The following EAF1 variants were observed in gnomAD, a reference collection of about 807,000 sequenced individuals.
EAF1 encodes the protein ELL associated factor 1.
In EAF1, 19 loss-of-function variants were observed where a neutral mutation model predicts 26.6. That is an observed-to-expected ratio of 0.71 (90% confidence interval 0.50 to 1.05). The LOEUF (loss-of-function observed/expected upper bound fraction) is 1.05. EAF1 is among the 50% of genes least tolerant of loss of function. The probability of loss-of-function intolerance (pLI) is 0.00; values close to 1 mark genes in which losing one functional copy is unlikely to be tolerated. For synonymous variants in EAF1, 102 were observed against 120.6 expected (o/e 0.85, Z 1.01); for missense variants, 260 against 335.5 (o/e 0.78, Z 1.76).
intron 3 of EAF1, 130 bp from the exon 4 acceptor site, chr3:15,434,217 AG>A: frequency 1.0e-6 from 1 of 975,982 alleles, no homozygotes; most frequent in African/African-American, 1.6e-5. Context: ...CAAAATTACA[AG>A]TATCAGTATT....
At chr3:15,435,128 C>CA (rs2061827485) in intron 4 of EAF1, among the ~76,000 whole-genome samples, 2 of 152,136 alleles carry the variant, frequency 1.3e-5, no homozygotes, top group South Asian at 4.1e-4. Flanking sequence ...ATACCATAAG[C>CA]AAATGTCCTG....
At chr3:15,431,178 C>T (rs1485956880) in intron 2 of EAF1, among the ~76,000 whole-genome samples, 1 of 152,174 alleles carries the variant, frequency 6.6e-6, no homozygotes, top group Non-Finnish European at 1.5e-5. Context: ...TCAAATGCCT[C>T]CCACACATTG....
chr3:15,436,288 G>A, intron 4 of EAF1, 54 bp from the exon 5 acceptor site: 2 of 1,386,524 alleles, frequency 1.4e-6, no homozygotes, highest in South Asian at 2.8e-5. Flanking sequence ...AAGCTCCAAT[G>A]CACTGCCTTG....
At chr3:15,439,031 A>G in intron 5 of EAF1, 78 bp from the exon 6 acceptor site, 1 of 1,437,914 alleles carries the variant, frequency 7.0e-7, no homozygotes, top group Non-Finnish European at 9.4e-7. Context: ...AATTAACAAA[A>G]AATTATGAGG....
rs750659715 is a variant in EAF1 at position 15,432,145 on chromosome 3, G to A, written c.257G>A (p.Cys86Tyr). 1 of 1,614,148 alleles carries A rather than the reference G, an allele frequency of 6.2e-7. No individual in the cohort carries two copies. Among genetic ancestry groups the A allele is most frequent in the Non-Finnish European group, 8.5e-7 (1 of 1,180,010 alleles). The change falls in exon 3 of 6, where the codon TGT becomes TAT. Residue 86 changes from cysteine (C) to tyrosine (Y), a missense_variant. Transcript: ENST00000396842. Reference sequence around the variant, plus strand: ...AACAAACGGCCTTACCAGAAAGACTGTGTGCTTATTATTAATCATGACACT... The same window carrying A: ...AACAAACGGCCTTACCAGAAAGACTATGTGCTTATTATTAATCATGACACT... ...KGNKRPYQKD[C>Y]VLIINHDTGE...
rs1034125193 is a variant in EAF1 at position 15,427,614 on chromosome 3, C to T, written c.-166C>T. 2 of 647,032 alleles carry T rather than the reference C, an allele frequency of 3.1e-6. No individual in the cohort carries two copies. Among genetic ancestry groups the T allele is most frequent in the African/African-American group, 1.9e-5 (1 of 53,644 alleles). 40.1% of individuals were successfully genotyped at this position (647,032 alleles called of 1,614,324 possible). A position where few individuals can be genotyped will look rare whatever the true frequency, so the allele number is the denominator to read the frequency against. ...CTCAGATTCCTCTCTCACCCCCACGCAGAGGAGAGAACTTGCTTCTGGACC... is the reference window on the plus strand; with the variant it reads ...CTCAGATTCCTCTCTCACCCCCACGTAGAGGAGAGAACTTGCTTCTGGACC... On this transcript the variant is annotated 5_prime_UTR_variant, in exon 1 of 6. Transcript: ENST00000396842.
rs959754278 is a variant in EAF1 at position 15,432,153 on chromosome 3, A to G, written c.265A>G (p.Ile89Val). The change falls in exon 3 of 6, where the codon ATT becomes GTT. Residue 89 changes from isoleucine to valine, a missense_variant. Transcript: ENST00000396842. Reference sequence around the variant, plus strand: ...GCCTTACCAGAAAGACTGTGTGCTTATTATTAATCATGACACTGGTGAATA... The same window carrying G: ...GCCTTACCAGAAAGACTGTGTGCTTGTTATTAATCATGACACTGGTGAATA... The part of the protein sequence containing the change: ...KRPYQKDCVL[I>V]INHDTGEYVL... The G allele has an allele frequency of 6.2e-7, 1 of 1,614,082 alleles. No homozygotes were observed. The highest frequency in any genetic ancestry group is 1.3e-5 in the African/African-American group (1 of 74,940).
At chr3:15,437,573 C>A (rs1023740522) in intron 5 of EAF1, among the ~76,000 whole-genome samples, 1 of 152,160 alleles carries the variant, frequency 6.6e-6, no homozygotes, top group Non-Finnish European at 1.5e-5. Flanking sequence ...GCATGAACCA[C>A]CATGCCTGGC....
chr3:15,430,659 A>G (rs1022276381), intron 2 of EAF1, among the ~76,000 whole-genome samples: 10 of 152,096 alleles, frequency 6.6e-5, no homozygotes, highest in African/African-American at 2.2e-4. Flanking sequence ...TGAGGCAACC[A>G]AGCCAGGAGT....
intron 2 of EAF1, among the ~76,000 whole-genome samples, chr3:15,431,401 T>C (rs2061801100): frequency 6.6e-6 from 1 of 151,396 alleles, no homozygotes; most frequent in African/African-American, 2.4e-5. Context: ...GCAGAAGCCT[T>C]GTTAAAGCTG....
chr3:15,428,167 C>G (rs547939720), intron 1 of EAF1, among the ~76,000 whole-genome samples: 1 of 151,162 alleles, frequency 6.6e-6, no homozygotes, highest in South Asian at 2.1e-4. Flanking sequence ...CTCCCCGCCC[C>G]CAACCTCGCC....
At position 15,427,666 on chromosome 3, in the gene EAF1, T is replaced by G. The variant is rs1559502688; in HGVS notation, c.-114T>G. The stretch of plus-strand genomic sequence containing the variant: ...GGGTGGGTGCCGGCTCGGCTCTCCT[T>G]GTCTTCCAGAGCGGTGGCCCGGAAG... On this transcript the variant is annotated 5_prime_UTR_variant, in exon 1 of 6. Coordinates refer to ENST00000396842, the MANE Select transcript of EAF1 (RefSeq NM_033083.7). 2 of 1,143,386 alleles carry G rather than the reference T, an allele frequency of 1.7e-6. No individual in the cohort carries two copies. The highest frequency in any genetic ancestry group is 2.5e-6 in the Non-Finnish European group (2 of 788,984). The allele number at this position is 1,143,386 out of a possible 1,614,324, so 70.8% of individuals were successfully genotyped here.
chr3:15,436,148 G>A (rs547373857), intron 4 of EAF1, 194 bp from the exon 5 acceptor site: 1 of 438,448 alleles, frequency 2.3e-6, no homozygotes, highest in Non-Finnish European at 4.1e-6. Context: ...TGTTTCCATT[G>A]TGTCTCTGGA....
intron 5 of EAF1, among the ~76,000 whole-genome samples, chr3:15,437,350 G>A (rs181293583): frequency 1.4e-5 from 2 of 141,624 alleles, no homozygotes; most frequent in African/African-American, 2.7e-5. Context: ...ACAGGGTTTC[G>A]CCACATTGCC....
intron 5 of EAF1, among the ~76,000 whole-genome samples, chr3:15,438,396 C>T (rs944074956): frequency 1.3e-5 from 2 of 152,042 alleles, no homozygotes; most frequent in African/African-American, 4.8e-5. Context: ...CTGGTGTTAA[C>T]AGTATTCACC....
At position 15,429,025 on chromosome 3, in the gene EAF1, A is replaced by G. The variant is rs145918438; in HGVS notation, c.104-888A>G. ...TGATGTTTTCTTTTGGTGAAGGGCA[A>G]TGTGGAATTTAAATCATATAGTTCA... On this transcript the variant is annotated intron_variant, in intron 1 of 5. Transcript: ENST00000396842. 1.1e-4 allele frequency among the ~76,000 whole-genome samples: 17 copies of G among 152,332 alleles called. No homozygotes were observed. In the East Asian group the frequency reaches 2.7e-3, roughly 24 times the overall value.
intron 4 of EAF1, chr3:15,436,074 T>G (rs1425797399): frequency 3.9e-6 from 1 of 257,126 alleles, no homozygotes; most frequent in Non-Finnish European, 7.4e-6. Context: ...TTAATTCATT[T>G]CTTACACAGA....
Position 15,434,396 on chromosome 3 carries a change from T to C in EAF1, c.384T>C (p.Thr128=). The change falls in exon 4 of 6, where the codon ACT becomes ACC. Residue 128 remains threonine, a synonymous_variant. Transcript: ENST00000396842. ...KIQARMEQQP[T]RPPQTSQPPP... is the part of the protein sequence containing the mutation. ...AGGCCCGAATGGAACAGCAGCCCACTCGTCCTCCACAGACGTCACAGCCAC... is the reference window on the plus strand; with the variant it reads ...AGGCCCGAATGGAACAGCAGCCCACCCGTCCTCCACAGACGTCACAGCCAC... 1 of 1,614,176 alleles carries C rather than the reference T, an allele frequency of 6.2e-7. No homozygotes were observed. Among genetic ancestry groups the C allele is most frequent in the Middle Eastern group, 1.6e-4 (1 of 6,062 alleles).
rs1286447952 is a variant in EAF1 at position 15,440,764 on chromosome 3, C to G, written c.*1609C>G. 6.6e-6 allele frequency: 1 copy of G among 152,624 alleles called. No homozygotes were observed. The highest frequency in any genetic ancestry group is 1.5e-5 in the Non-Finnish European group (1 of 68,044). 9.5% of individuals were successfully genotyped at this position (152,624 alleles called of 1,614,324 possible). ...AGGACCCCGTGCTGGGCTCTCAGCC[C>G]ATCATGAGATTTTGGTGGATTTAAT... On this transcript the variant is annotated 3_prime_UTR_variant, in exon 6 of 6. Transcript: ENST00000396842.
Sources: gnomAD v4.1 joint callset for allele counts (sites outside exome capture counted in the v4.1 genomes callset) on GRCh38, gnomAD v4.1.1 for gene constraint, MANE v1.5 for transcripts, NCBI Gene and HGNC (gene_info 2026-07-23, HGNC 2026-07-21) for gene names.